Variants in SORCS1 observed in about 807,000 individuals in gnomAD.
The protein encoded by SORCS1 is VPS10 domain-containing receptor SorCS1.
In SORCS1, 60 loss-of-function variants were observed where a neutral mutation model predicts 146.1. That is an observed-to-expected ratio of 0.41 (90% CI 0.33 to 0.51). The LOEUF (loss-of-function observed/expected upper bound fraction) is 0.51, where lower values mean the gene tolerates loss of function less well. SORCS1 is among the 20% of genes least tolerant of loss of function. The pLI, the probability that SORCS1 is intolerant of heterozygous loss-of-function variation, is 0.21. For synonymous variants in SORCS1, 637 were observed against 584.0 expected (o/e 1.09, Z -1.31); for missense variants, 1,352 against 1,487.6 (o/e 0.91, Z 1.50).
chr10:107,172,088 C>A, the SORCS1 span, among the ~76,000 whole-genome samples: 1 of 152,174 alleles, frequency 6.6e-6, no homozygotes, highest in Non-Finnish European at 1.5e-5. Flanking sequence ...CATTGTTAAA[C>A]TGGTATTTTA....
intron 6 of SORCS1, among the ~76,000 whole-genome samples, chr10:106,724,265 T>G (rs1348400670): frequency 6.6e-6 from 1 of 152,120 alleles, no homozygotes; most frequent in African/African-American, 2.4e-5. Flanking sequence ...TCCCAGCACT[T>G]TGGGAGGCCG....
intron 1 of SORCS1, among the ~76,000 whole-genome samples, chr10:107,109,859 C>T (rs1052862632): frequency 6.6e-6 from 1 of 152,290 alleles, no homozygotes; most frequent in South Asian, 2.1e-4. Flanking sequence ...GATAGGTAGG[C>T]TATTAGAAGC....
intron 1 of SORCS1, among the ~76,000 whole-genome samples, chr10:107,135,398 A>C (rs1164889768): frequency 6.6e-6 from 1 of 152,270 alleles, no homozygotes; most frequent in African/African-American, 2.4e-5. Context: ...TAAGCATTAA[A>C]GAGGCAAAAG....
intron 2 of SORCS1, among the ~76,000 whole-genome samples, chr10:106,861,484 C>G (rs1446770379): frequency 6.6e-6 from 1 of 151,890 alleles, no homozygotes; most frequent in Non-Finnish European, 1.5e-5. Flanking sequence ...CCTAGCTTTT[C>G]CATCAAAACA....
chr10:106,800,336 A>G (rs1194844071), intron 3 of SORCS1, among the ~76,000 whole-genome samples: 2 of 152,150 alleles, frequency 1.3e-5, no homozygotes, highest in African/African-American at 4.8e-5. Flanking sequence ...ACTTACATAA[A>G]ACCTCCATAT....
At chr10:107,114,575 C>G (rs1965900495) in intron 1 of SORCS1, among the ~76,000 whole-genome samples, 1 of 152,068 alleles carries the variant, frequency 6.6e-6, no homozygotes, top group Non-Finnish European at 1.5e-5. Flanking sequence ...TAAAAACTCT[C>G]AACAAATTAG....
intron 5 of SORCS1, among the ~76,000 whole-genome samples, chr10:106,745,220 T>C (rs903594308): frequency 1.3e-5 from 2 of 152,032 alleles, no homozygotes; most frequent in African/African-American, 4.8e-5. Flanking sequence ...AAGACCATCC[T>C]GGCTAACATG....
intron 2 of SORCS1, among the ~76,000 whole-genome samples, chr10:106,893,013 G>A (rs2137922852): frequency 6.6e-6 from 1 of 150,878 alleles, no homozygotes; most frequent in Non-Finnish European, 1.5e-5. Flanking sequence ...TCCTGCCTCA[G>A]CCTCCCGAGT....
At chr10:107,054,113 C>G (rs762933838) in intron 1 of SORCS1, among the ~76,000 whole-genome samples, 3 of 152,040 alleles carry the variant, frequency 2.0e-5, no homozygotes, top group Non-Finnish European at 2.9e-5. Context: ...GCTACCGATT[C>G]AGATAAAATT....
intron 24 of SORCS1, among the ~76,000 whole-genome samples, chr10:106,584,213 G>A (rs1267259862): frequency 6.6e-6 from 1 of 152,208 alleles, no homozygotes; most frequent in Non-Finnish European, 1.5e-5. Flanking sequence ...AGAATAGGCA[G>A]AAAGGCTTCC....
chr10:106,969,434 T>C (rs1955659638), intron 1 of SORCS1, among the ~76,000 whole-genome samples: 1 of 152,194 alleles, frequency 6.6e-6, no homozygotes. Flanking sequence ...CATTTGCTGA[T>C]TTTGTCCCTG....
chr10:106,810,550 GA>G (rs376932668), intron 3 of SORCS1, among the ~76,000 whole-genome samples: 3 of 152,256 alleles, frequency 2.0e-5, no homozygotes, highest in African/African-American at 7.2e-5. Flanking sequence ...TGGAACTTTT[GA>G]AAAACAAAAT....
intron 2 of SORCS1, among the ~76,000 whole-genome samples, chr10:106,865,450 A>T (rs1373325598): frequency 6.6e-6 from 1 of 152,142 alleles, no homozygotes; most frequent in Non-Finnish European, 1.5e-5. Context: ...TGGGCCAGGC[A>T]TGGTGGCTCA....
intron 18 of SORCS1, among the ~76,000 whole-genome samples, chr10:106,632,890 T>C (rs1317443967): frequency 6.6e-6 from 1 of 151,802 alleles, no homozygotes; most frequent in Non-Finnish European, 1.5e-5. Flanking sequence ...AAGAAGAAGG[T>C]AAATTAACCA....
chr10:106,615,127 T>G (rs899415076), intron 21 of SORCS1, among the ~76,000 whole-genome samples: 1 of 152,210 alleles, frequency 6.6e-6, no homozygotes, highest in Non-Finnish European at 1.5e-5. Context: ...CTCCTGGACT[T>G]GCTTTTCTTA....
At chr10:107,163,923 C>T (rs373947987) in intron 1 of SORCS1, 46 bp downstream of exon 1, 2 of 1,570,410 alleles carry the variant, frequency 1.3e-6, no homozygotes, top group African/African-American at 2.7e-5. Context: ...CGACTTTAAC[C>T]CTTTCCATCT....
Position 107,060,432 on chromosome 10 carries a change from T to G in SORCS1, c.558+103537A>C, listed in dbSNP as rs1483522561. On this transcript the variant is annotated intron_variant, in intron 1 of 25. Transcript: ENST00000263054. This position sits in a 1 kb window ranked among gnomAD's most constrained non-coding sequence, Gnocchi z 4.1. ...ATTTCTTTGCTGTAATTTTTTATTG[T>G]CATGTACTTAGTGAAGCCTCAGACG... is the stretch of plus-strand genomic sequence containing the variant. Among the ~76,000 whole-genome samples, 1 of 152,094 alleles carries G rather than the reference T, an allele frequency of 6.6e-6. No individual in the cohort carries two copies. The highest frequency in any genetic ancestry group is 2.4e-5 in the African/African-American group (1 of 41,416).
chr10:106,600,404 A>G, intron 23 of SORCS1: 6 of 980,230 alleles, frequency 6.1e-6, no homozygotes, highest in Non-Finnish European at 7.3e-6. Flanking sequence ...GTGAGAAAAA[A>G]TTTGCATAAG....
At chr10:106,682,669 C>A (rs1001591117) in intron 10 of SORCS1, among the ~76,000 whole-genome samples, 1 of 152,204 alleles carries the variant, frequency 6.6e-6, no homozygotes, top group Non-Finnish European at 1.5e-5. Context: ...AGGCTGGGGG[C>A]ACATCATAGG....
Sources: allele counts gnomAD v4.1 joint callset (sites outside exome capture counted in the v4.1 genomes callset), GRCh38; gene constraint gnomAD v4.1.1; non-coding constraint Gnocchi (gnomAD v3.1); transcripts MANE v1.5; gene names NCBI Gene and HGNC (gene_info 2026-07-23, HGNC 2026-07-21).